Variants in EXOC3 observed in about 807,000 individuals in gnomAD.
EXOC3 encodes SEC6-like 1.
A neutral mutation model predicts 73.7 loss-of-function variants in EXOC3; 21 were observed. The ratio of observed to expected loss-of-function variants is 0.29; its 90% CI spans 0.20 to 0.41. The LOEUF is 0.41. EXOC3 is among the 10% of genes least tolerant of loss of function. The pLI is 1.00. For synonymous variants in EXOC3, 410 were observed against 389.1 expected, an observed-to-expected ratio of 1.05 and a Z score of -0.63; for missense variants, 842 against 985.1, an observed-to-expected ratio of 0.85 and a Z score of 1.95.
Position 465,146 on chromosome 5 carries a change from G to A in EXOC3, c.1812G>A (p.Val604=). Residue 604 remains valine (V), a synonymous_variant, in exon 11 of 13, where the codon GTG becomes GTA. Transcript: ENST00000512944. ...MTAEAHRRVV[V]EYLRAVMQKR... The stretch of plus-strand genomic sequence containing the variant: ...CCGAGGCGCACCGGCGCGTGGTGGT[G>A]GAGTACCTGCGGGCGGTCATGCAGA... 1.9e-6 allele frequency: 3 copies of A among 1,594,892 alleles called. No individual in the cohort carries two copies. The highest frequency in any genetic ancestry group is 2.6e-6 in the Non-Finnish European group (3 of 1,171,756).
intron 2 of EXOC3, chr5:447,218 C>T: frequency 4.2e-6 from 1 of 238,760 alleles, no homozygotes; most frequent in Non-Finnish European, 8.1e-6. Flanking sequence ...GGTACCGTAG[C>T]AGGCCACGGC....
intron 11 of EXOC3, among the ~76,000 whole-genome samples, 174 bp from the exon 12 acceptor site, chr5:465,544 C>T (rs1157941942): frequency 3.3e-5 from 5 of 152,254 alleles, no homozygotes; most frequent in African/African-American, 1.2e-4. Flanking sequence ...CTGCCTCCCA[C>T]GGTCTCGCCC....
chr5:462,752 CAT>C (rs1469656535), intron 9 of EXOC3, among the ~76,000 whole-genome samples: 6 of 152,166 alleles, frequency 3.9e-5, no homozygotes, highest in Non-Finnish European at 5.9e-5. Flanking sequence ...ATTTCAGAAA[CAT>C]AAAGATGGCT....
At chr5:461,652 G>A (rs562226368) in intron 7 of EXOC3, 47 of 322,924 alleles carry the variant, frequency 1.5e-4, no homozygotes, top group African/African-American at 9.1e-4. Context: ...AGGTTACCCC[G>A]ACGGGTAGCT....
chr5:466,015 C>T (rs1377209494), intron 12 of EXOC3, 170 bp downstream of exon 12: 3 of 579,814 alleles, frequency 5.2e-6, no homozygotes, highest in Non-Finnish European at 8.6e-6. Context: ...AGAGCTGCTT[C>T]TGTGCTGCCT....
chr5:459,001 G>A (rs951960283), intron 6 of EXOC3, among the ~76,000 whole-genome samples: 1 of 152,232 alleles, frequency 6.6e-6, no homozygotes, highest in African/African-American at 2.4e-5. Flanking sequence ...CATCATGACA[G>A]TCATGGGGCC....
Position 453,376 on chromosome 5 carries a change from A to T in EXOC3, c.371A>T (p.Glu124Val), listed in dbSNP as rs1210637179. 4 of 1,574,720 alleles carry T rather than the reference A, an allele frequency of 2.5e-6. No homozygotes were observed. In the South Asian group the frequency reaches 4.6e-5, roughly 18 times the overall value. ...TCTTGTGCCTTCTCCCTAGTGCCTG[A>T]GATTGTGAGGGAGACCCAGGACCTA... Reference protein sequence around the residue: ...ENLKNIFSVPEIVRETQDLIE... With the variant: ...ENLKNIFSVPVIVRETQDLIE... Residue 124 changes from glutamate (E) to valine (V), a missense_variant, in exon 4 of 13, where the codon GAG (glutamate) becomes GTG (valine). By Grantham distance (121) the Glu-to-Val change is moderately radical. Transcript: ENST00000512944.
intron 5 of EXOC3, chr5:457,331 T>G (rs202004038): frequency 9.1e-6 from 3 of 330,154 alleles, no homozygotes; most frequent in South Asian, 3.6e-5. Flanking sequence ...GTCCCATGGT[T>G]GGGGGGGTCC....
At chr5:457,048 T>G in intron 5 of EXOC3, 42 bp downstream of exon 5, 1 of 1,400,244 alleles carries the variant, frequency 7.1e-7, no homozygotes, top group Middle Eastern at 1.8e-4. Context: ...ACCGTGCTGG[T>G]TATATGAGTA....
intron 3 of EXOC3, among the ~76,000 whole-genome samples, chr5:447,981 C>T (rs907037827): frequency 2.6e-5 from 4 of 152,202 alleles, no homozygotes; most frequent in Non-Finnish European, 5.9e-5. Flanking sequence ...GGCCCAGAAG[C>T]GGGCTGCCCA....
chr5:446,921 A>G (rs1237632858), intron 2 of EXOC3: 1 of 155,070 alleles, frequency 6.4e-6, no homozygotes, highest in Non-Finnish European at 1.4e-5. Context: ...GTTTTTAAAC[A>G]ATACTGGAGG....
chr5:443,695 C>A (rs1012896694), intron 1 of EXOC3, among the ~76,000 whole-genome samples: 2 of 151,262 alleles, frequency 1.3e-5, no homozygotes, highest in Admixed American at 1.3e-4. Flanking sequence ...TCCTTCCTGG[C>A]GCAGGTGTCC....
chr5:459,264 A>C, intron 6 of EXOC3, 95 bp from the exon 7 acceptor site: 1 of 457,368 alleles, frequency 2.2e-6, no homozygotes, highest in South Asian at 5.2e-5. Flanking sequence ...CCTAAATGCC[A>C]GTTAGCAGAT....
At chr5:449,315 C>T (rs1421398918) in intron 3 of EXOC3, among the ~76,000 whole-genome samples, 3 of 152,156 alleles carry the variant, frequency 2.0e-5, no homozygotes, top group South Asian at 2.1e-4. Context: ...TACAGTTTGC[C>T]GTCTTAACCA....
chr5:450,021 G>A (rs1208766726), intron 3 of EXOC3, among the ~76,000 whole-genome samples: 2 of 152,184 alleles, frequency 1.3e-5, no homozygotes, highest in African/African-American at 4.8e-5. Flanking sequence ...TGAGGCAGGC[G>A]GATCACCTGA....
At chr5:461,782 A>G (rs1737993082) in intron 7 of EXOC3, 178 bp from the exon 8 acceptor site, 1 of 596,458 alleles carries the variant, frequency 1.7e-6, no homozygotes, top group African/African-American at 1.9e-5. Flanking sequence ...ATTTAAAGTA[A>G]TCAACCTCTC....
rs1477777121 is a variant in EXOC3 at position 443,224 on chromosome 5, G to T, written c.-123G>T. The T allele has an allele frequency of 1.0e-4, 9 of 88,570 alleles. No individual in the cohort carries two copies. Among genetic ancestry groups the T allele is most frequent in the African/African-American group, 2.3e-4 (8 of 34,764 alleles). 5.5% of individuals were successfully genotyped at this position (88,570 alleles called of 1,614,324 possible). ...CGGAGGCAGCGAAGGCGGAGGGGGC[G>T]GCGGGGGCGGCGGCGGCGGCGGCGG... On this transcript the variant is annotated 5_prime_UTR_variant, in exon 1 of 13. Transcript: ENST00000512944.
intron 1 of EXOC3, among the ~76,000 whole-genome samples, chr5:444,529 T>G (rs932736051): frequency 6.6e-6 from 1 of 152,212 alleles, no homozygotes; most frequent in Non-Finnish European, 1.5e-5. Flanking sequence ...TCATACAGGC[T>G]TTAATGTCAA....
chr5:461,100 C>T (rs2126585042), intron 7 of EXOC3, among the ~76,000 whole-genome samples: 1 of 152,282 alleles, frequency 6.6e-6, no homozygotes. Flanking sequence ...CTGAAAGGGA[C>T]ATTTTACCTG....
Sources: gnomAD v4.1 joint callset for allele counts (sites outside exome capture counted in the v4.1 genomes callset) on GRCh38, gnomAD v4.1.1 for gene constraint, MANE v1.5 for transcripts, NCBI Gene and HGNC (gene_info 2026-07-23, HGNC 2026-07-21) for gene names.